CCDC91: variants seen among roughly 807,000 people sequenced by gnomAD.
CCDC91 encodes coiled-coil domain-containing protein 91.
Under a neutral mutation model 63.2 loss-of-function variants are expected in CCDC91, and 48 were observed. The ratio of observed to expected loss-of-function variants is 0.76; its 90% CI spans 0.60 to 0.97. CCDC91 has a LOEUF of 0.97. CCDC91 is among the 50% of genes least tolerant of loss of function. CCDC91 has a pLI of 0.00. For synonymous variants in CCDC91, 167 were observed against 165.8 expected, an observed-to-expected ratio of 1.01 and a Z score of -0.06; for missense variants, 500 against 494.6, an observed-to-expected ratio of 1.01 and a Z score of -0.10.
intron 12 of CCDC91, among the ~76,000 whole-genome samples, chr12:28,545,798 TA>T (rs113739384): frequency 2.6e-5 from 4 of 152,150 alleles, no homozygotes; most frequent in African/African-American, 9.6e-5. Flanking sequence ...TATATCCTCT[TA>T]AAAAATTACA....
At chr12:28,327,951 C>A (rs1941165961) in intron 6 of CCDC91, among the ~76,000 whole-genome samples, 2 of 152,100 alleles carry the variant, frequency 1.3e-5, no homozygotes, top group East Asian at 1.9e-4. Context: ...GATAGGAATT[C>A]AGCTAGGCAG....
chr12:28,523,411 G>A (rs1004688105), intron 12 of CCDC91, among the ~76,000 whole-genome samples: 30 of 151,674 alleles, frequency 2.0e-4, no homozygotes, highest in African/African-American at 6.8e-4. Flanking sequence ...GCCTTTTTTT[G>A]TTTTCCATTT....
chr12:28,299,246 A>C (rs879569244), intron 3 of CCDC91, among the ~76,000 whole-genome samples: 2 of 151,564 alleles, frequency 1.3e-5, no homozygotes, highest in Admixed American at 1.3e-4. Context: ...AATAATTCCC[A>C]TATATCCTTC....
At position 28,391,398 on chromosome 12, in the gene CCDC91, T is replaced by A. The variant is rs1399516680; in HGVS notation, c.749T>A (p.Leu250Ter). 4 of 1,603,136 alleles carry A rather than the reference T, an allele frequency of 2.5e-6. No homozygotes were observed. The highest frequency in any genetic ancestry group is 1.3e-5 in the African/African-American group (1 of 74,728). ...AAACAGGCACACAAGTGTGAGGAGT[T>A]GCTAAATGCTCAGGTAATAAAAGTG... ...IEKQAHKCEE[L>*]LNAQHQRLLE... The change falls in exon 8 of 13, where the codon TTG (leucine) becomes TAG (stop). Residue 250 changes from leucine to a stop codon, truncating the protein, a stop_gained. Transcript: ENST00000536442. LOFTEE classifies it high-confidence loss of function.
In CCDC91 at chr12:28,306,931, CAG is replaced by C. The variant is rs1938803822; in HGVS notation, c.461_462del (p.Arg154AsnfsTer2). On this transcript the variant is annotated frameshift_variant, in exon 5 of 13. Coordinates refer to ENST00000536442, the MANE Select transcript of CCDC91 (RefSeq NM_018318.5). LOFTEE classifies it high-confidence loss of function. ...ACTCAAAGTATCTGAAGAAGAAAAACAGAGAATTAAACAGGTATATTTACATT... is the reference window on the plus strand; with the variant it reads ...ACTCAAAGTATCTGAAGAAGAAAAACAGAATTAAACAGGTATATTTACATT... ...IKLKVSEEEK[Q>X]RIKQDVESLM... 6.2e-7 allele frequency: 1 copy of C among 1,602,622 alleles called. No individual in the cohort carries two copies. The highest frequency in any genetic ancestry group is 8.5e-7 in the Non-Finnish European group (1 of 1,171,126).
At chr12:28,443,672 C>T (rs1289230668) in intron 8 of CCDC91, among the ~76,000 whole-genome samples, 1 of 152,078 alleles carries the variant, frequency 6.6e-6, no homozygotes, top group Non-Finnish European at 1.5e-5. Flanking sequence ...GCCATTAGCA[C>T]TGAGACTTAG....
chr12:28,544,752 T>C (rs1325813844), intron 12 of CCDC91, among the ~76,000 whole-genome samples: 4 of 152,094 alleles, frequency 2.6e-5, no homozygotes, highest in Admixed American at 6.6e-5. Context: ...TGTTGCACTT[T>C]AGACCAATGT....
intron 8 of CCDC91, among the ~76,000 whole-genome samples, chr12:28,449,794 ATCTAATTGCT>A (rs1387723618): frequency 6.6e-6 from 1 of 151,970 alleles, no homozygotes; most frequent in African/African-American, 2.4e-5. Context: ...CTCAGTTATC[ATCTAATTGCT>A]TCATTGCTTC....
intron 7 of CCDC91, among the ~76,000 whole-genome samples, chr12:28,385,746 G>T (rs184894042): frequency 3.3e-5 from 5 of 152,222 alleles, no homozygotes. Flanking sequence ...TTAATTTGAT[G>T]AGGCTGGAAT....
At chr12:28,451,206 G>A (rs1405510756) in intron 10 of CCDC91, among the ~76,000 whole-genome samples, 1 of 151,668 alleles carries the variant, frequency 6.6e-6, no homozygotes, top group Non-Finnish European at 1.5e-5. Flanking sequence ...TTGACATTAA[G>A]TTTTGGGAAA....
rs560504013 is a variant in CCDC91 at position 28,531,186 on chromosome 12, A to G, written c.1216-17877A>G. 2.6e-5 allele frequency among the ~76,000 whole-genome samples: 4 copies of G among 152,298 alleles called. No individual in the cohort carries two copies. The South Asian group carries it at 8.3e-4, about 32-fold the overall frequency. On this transcript the variant is annotated intron_variant, in intron 12 of 12. Coordinates refer to ENST00000536442, the MANE Select transcript of CCDC91 (RefSeq NM_018318.5). ...CAGAGATATTTCAACATGGCATTAA[A>G]TAATTCCTCCAGTTTCACAAACACA...
intron 8 of CCDC91, among the ~76,000 whole-genome samples, chr12:28,423,939 G>C (rs1948158327): frequency 6.6e-6 from 1 of 152,126 alleles, no homozygotes. Context: ...AAAGGACAGT[G>C]AATGCAGAGT....
intron 6 of CCDC91, among the ~76,000 whole-genome samples, chr12:28,308,118 C>G (rs1163002619): frequency 6.6e-6 from 1 of 151,730 alleles, no homozygotes; most frequent in Non-Finnish European, 1.5e-5. Flanking sequence ...GTCTCCTTTT[C>G]TCCTTCCTAA....
At chr12:28,497,363 G>A (rs1014585826) in intron 12 of CCDC91, among the ~76,000 whole-genome samples, 4 of 151,556 alleles carry the variant, frequency 2.6e-5, no homozygotes, top group African/African-American at 9.7e-5. Flanking sequence ...AGTCACACAT[G>A]TTAAGCTTGA....
chr12:28,261,075 G>C (rs925748827), intron 3 of CCDC91, among the ~76,000 whole-genome samples: 2 of 151,962 alleles, frequency 1.3e-5, no homozygotes, highest in African/African-American at 4.8e-5. Flanking sequence ...TTATCAGCAG[G>C]ACTGTCTGGA....
At chr12:28,394,079 CCT>C (rs753107618) in intron 8 of CCDC91, among the ~76,000 whole-genome samples, 25 of 152,232 alleles carry the variant, frequency 1.6e-4, no homozygotes, top group East Asian at 9.7e-4. Context: ...AAAGATATCC[CCT>C]GTTTGTTGAT....
intron 11 of CCDC91, among the ~76,000 whole-genome samples, chr12:28,454,984 G>A (rs10843176): frequency 0.75 from 113,561 of 151,920 alleles, 43,027 homozygotes; most frequent in African/African-American, 0.82. Context: ...GGGTTTTCCT[G>A]TTTCACCTCT....
At chr12:28,232,628 G>C (rs1944674541) in intron 1 of CCDC91, among the ~76,000 whole-genome samples, 2 of 152,096 alleles carry the variant, frequency 1.3e-5, no homozygotes, top group South Asian at 4.1e-4. Context: ...ACTTAGAGAA[G>C]CTAAGTTTTG....
At chr12:28,484,565 A>C (rs1951621123) in intron 12 of CCDC91, among the ~76,000 whole-genome samples, 1 of 152,196 alleles carries the variant, frequency 6.6e-6, no homozygotes, top group African/African-American at 2.4e-5. Context: ...TCTAATGGAC[A>C]TAATTACAGT....
Sources: gnomAD v4.1 joint callset for allele counts (sites outside exome capture counted in the v4.1 genomes callset) on GRCh38, gnomAD v4.1.1 for gene constraint, MANE v1.5 for transcripts, NCBI Gene and HGNC (gene_info 2026-07-23, HGNC 2026-07-21) for gene names.